Variants in RAP1B observed in about 807,000 individuals in gnomAD.
RAP1B encodes the protein ras-related protein Rap-1b.
Under a neutral mutation model 27.5 loss-of-function variants are expected in RAP1B, and 1 was observed. That is an observed-to-expected ratio of 0.04 (90% CI 0.01 to 0.17). RAP1B has a LOEUF of 0.17. Among genes scored for constraint, RAP1B ranks in the 10% least tolerant of loss-of-function variants. The pLI is 1.00. For missense variants in RAP1B, 84 were observed against 214.8 expected, an observed-to-expected ratio of 0.39 and a Z score of 3.81; for synonymous variants, 75 against 73.1, an observed-to-expected ratio of 1.03 and a Z score of -0.13.
Position 68,656,418 on chromosome 12 carries a change from C to G in RAP1B, c.437C>G (p.Ser146Cys), listed in dbSNP as rs1023453195. The change falls in exon 6 of 8, where the codon TCT becomes TGT. Residue 146 changes from serine (S) to cysteine (C), a missense_variant. By Grantham distance (112) the Ser-to-Cys change is moderately radical. Transcript: ENST00000250559. Reference sequence around the variant, plus strand: ...TGGAACAACTGTGCATTCTTAGAATCTTCTGCAAAATCAAAAATAAATGTT... The same window carrying G: ...TGGAACAACTGTGCATTCTTAGAATGTTCTGCAAAATCAAAAATAAATGTT... ...RQWNNCAFLESSAKSKINVNE... is the reference protein window; with the variant it reads ...RQWNNCAFLECSAKSKINVNE... The G allele has an allele frequency of 7.4e-6, 12 of 1,611,232 alleles. No individual in the cohort carries two copies. The highest frequency in any genetic ancestry group is 8.5e-6 in the Non-Finnish European group (10 of 1,177,584).
intron 2 of RAP1B, 167 bp downstream of exon 2, chr12:68,648,948 G>T: frequency 1.6e-6 from 1 of 606,280 alleles, no homozygotes; most frequent in Non-Finnish European, 2.8e-6. Flanking sequence ...ATATCTGGGT[G>T]GATCATATTC....
At chr12:68,657,805 G>C (rs1196602762) in intron 7 of RAP1B, 1 of 138,902 alleles carries the variant, frequency 7.2e-6, no homozygotes, top group African/African-American at 3.0e-5. Context: ...ACCGCTCCCA[G>C]CCAACCGTCC....
At chr12:68,650,296 C>A in intron 2 of RAP1B, 104 bp from the exon 3 acceptor site, 79 of 962,642 alleles carry the variant, frequency 8.2e-5, no homozygotes, top group East Asian at 1.6e-4. Context: ...TTTTTTTTTT[C>A]ATTGATGGTG....
At chr12:68,648,908 T>C in intron 2 of RAP1B, 127 bp downstream of exon 2, 1 of 860,432 alleles carries the variant, frequency 1.2e-6, no homozygotes, top group Non-Finnish European at 1.7e-6. Context: ...AATATAATAT[T>C]TTTCTTGTAA....
intron 1 of RAP1B, among the ~76,000 whole-genome samples, chr12:68,623,340 G>A (rs1274574429): frequency 6.6e-6 from 1 of 152,080 alleles, no homozygotes; most frequent in Non-Finnish European, 1.5e-5. Context: ...TATTAAAGGA[G>A]TTTTAGATTA....
chr12:68,627,946 TA>T (rs879885492), intron 1 of RAP1B, among the ~76,000 whole-genome samples: 138 of 148,920 alleles, frequency 9.3e-4, no homozygotes, highest in Non-Finnish European at 1.4e-3. Flanking sequence ...GCAAAAAATT[TA>T]AAAAAAAAAA....
At chr12:68,616,787 A>G (rs1164946278) in intron 1 of RAP1B, among the ~76,000 whole-genome samples, 2 of 151,956 alleles carry the variant, frequency 1.3e-5, no homozygotes, top group African/African-American at 4.8e-5. Context: ...GCTCACCTCA[A>G]ACTCGTGGGC....
At chr12:68,643,943 T>A (rs1213606108) in intron 1 of RAP1B, among the ~76,000 whole-genome samples, 2 of 152,196 alleles carry the variant, frequency 1.3e-5, no homozygotes, top group Non-Finnish European at 2.9e-5. Flanking sequence ...TTCTTTTTTT[T>A]ATTCCAGGGA....
chr12:68,626,921 C>G (rs1223638434), intron 1 of RAP1B: 4 of 1,557,448 alleles, frequency 2.6e-6, no homozygotes, highest in African/African-American at 2.7e-5. Flanking sequence ...TGGAAATGTA[C>G]TTGACCCGAC....
chr12:68,618,713 T>C (rs1565656235), intron 1 of RAP1B, among the ~76,000 whole-genome samples: 1 of 149,354 alleles, frequency 6.7e-6, no homozygotes, highest in Admixed American at 6.7e-5. Context: ...CTAGTAATCA[T>C]TGTATTATTC....
At chr12:68,650,258 A>G in intron 2 of RAP1B, 142 bp from the exon 3 acceptor site, 1 of 658,560 alleles carries the variant, frequency 1.5e-6, no homozygotes, top group Non-Finnish European at 2.3e-6. Context: ...TACCAAATGT[A>G]CACATTCGAA....
At chr12:68,634,674 A>C (rs550677281) in intron 1 of RAP1B, among the ~76,000 whole-genome samples, 70 of 152,112 alleles carry the variant, frequency 4.6e-4, no homozygotes, top group Non-Finnish European at 9.4e-4. Context: ...CTCGGCTGAG[A>C]AATCTATTAA....
chr12:68,622,869 T>C (rs1401035860), intron 1 of RAP1B, among the ~76,000 whole-genome samples: 1 of 152,220 alleles, frequency 6.6e-6, no homozygotes, highest in African/African-American at 2.4e-5. Flanking sequence ...CTGGTTTTTT[T>C]CTTCACTCTT....
chr12:68,628,272 C>G (rs988281010), intron 1 of RAP1B, among the ~76,000 whole-genome samples: 11 of 152,312 alleles, frequency 7.2e-5, no homozygotes, highest in African/African-American at 2.4e-4. Flanking sequence ...TTGATGTACA[C>G]CACAAATCAG....
At chr12:68,616,265 G>A (rs1184816700) in intron 1 of RAP1B, among the ~76,000 whole-genome samples, 12 of 148,722 alleles carry the variant, frequency 8.1e-5, no homozygotes. Context: ...CCCGGCCTTT[G>A]TTTTTTTGTT....
At position 68,634,367 on chromosome 12, in the gene RAP1B, A is replaced by G. The variant is rs1268210901; in HGVS notation, c.-26-14332A>G. 2.0e-5 allele frequency among the ~76,000 whole-genome samples: 3 copies of G among 152,358 alleles called. No homozygotes were observed. In the South Asian group the frequency reaches 6.2e-4, roughly 32 times the overall value. On this transcript the variant is annotated intron_variant, in intron 1 of 7. Coordinates refer to ENST00000250559, the MANE Select transcript of RAP1B (RefSeq NM_001010942.3). ...AAAATAACGAGACCAAAGCCACTCA[A>G]GTAGAACTGATTCCAACCCAGACAA...
chr12:68,653,526 A>T (rs879525141), intron 4 of RAP1B, among the ~76,000 whole-genome samples: 1 of 152,182 alleles, frequency 6.6e-6, no homozygotes, highest in South Asian at 2.1e-4. Context: ...ATACATGATG[A>T]TGTATTTTAA....
At chr12:68,620,723 A>G (rs568553326) in intron 1 of RAP1B, among the ~76,000 whole-genome samples, 1 of 151,930 alleles carries the variant, frequency 6.6e-6, no homozygotes, top group South Asian at 2.1e-4. Context: ...CAGCGTCCCA[A>G]GTAGCTGGGA....
At chr12:68,632,974 C>T (rs1872373497) in intron 1 of RAP1B, among the ~76,000 whole-genome samples, 1 of 152,122 alleles carries the variant, frequency 6.6e-6, no homozygotes, top group Non-Finnish European at 1.5e-5. Flanking sequence ...GCCCAGTTGG[C>T]AGGCGATTTT....
Sources: gnomAD v4.1 joint callset for allele counts (sites outside exome capture counted in the v4.1 genomes callset) on GRCh38, gnomAD v4.1.1 for gene constraint, MANE v1.5 for transcripts, NCBI Gene and HGNC (gene_info 2026-07-23, HGNC 2026-07-21) for gene names.